The following AMPH variants were observed in gnomAD, a reference collection of about 807,000 sequenced individuals.
AMPH encodes amphiphysin (Stiff-Mann syndrome with breast cancer 128kD autoantigen).
In AMPH, 49 loss-of-function variants were observed where a neutral mutation model predicts 99.1. The ratio of observed to expected loss-of-function variants is 0.49; its 90% CI spans 0.39 to 0.63. AMPH has a LOEUF of 0.63. Ranked by LOEUF, AMPH falls within the 20% of genes least tolerant of loss-of-function variation. The pLI, the probability that AMPH is intolerant of heterozygous loss-of-function variation, is 0.00. For missense variants in AMPH, 759 were observed against 863.4 expected, an observed-to-expected ratio of 0.88 and a Z score of 1.52; for synonymous variants, 314 against 317.3, an observed-to-expected ratio of 0.99 and a Z score of 0.11.
chr7:38,407,058 A>C (rs112044882), intron 17 of AMPH, among the ~76,000 whole-genome samples: 968 of 14,548 alleles, frequency 0.067, 44 homozygotes, highest in East Asian at 0.34. Context: ...CTATATATAT[A>C]TATATATATA....
chr7:38,506,656 G>A (rs918488333), intron 2 of AMPH, among the ~76,000 whole-genome samples: 16 of 152,304 alleles, frequency 1.1e-4, no homozygotes, highest in African/African-American at 3.4e-4. Flanking sequence ...GGCATTTAGT[G>A]GTTTGTCTAG....
intron 1 of AMPH, among the ~76,000 whole-genome samples, chr7:38,612,779 G>A (rs1229928383): frequency 6.6e-6 from 1 of 152,086 alleles, no homozygotes; most frequent in East Asian, 1.9e-4. Context: ...GTGACCAAAG[G>A]AAATATGTGT....
chr7:38,582,775 G>A (rs567036545), intron 1 of AMPH, among the ~76,000 whole-genome samples: 59 of 152,226 alleles, frequency 3.9e-4, no homozygotes, highest in Middle Eastern at 3.4e-3. Flanking sequence ...AAGTCACATC[G>A]GGGACGCACA....
intron 10 of AMPH, 95 bp from the exon 11 acceptor site, chr7:38,461,506 G>A: frequency 4.1e-6 from 6 of 1,473,684 alleles, no homozygotes; most frequent in Non-Finnish European, 5.6e-6. Context: ...GACAGATTGA[G>A]CTCTGATTGA....
chr7:38,545,037 T>C (rs1790942823), intron 1 of AMPH, among the ~76,000 whole-genome samples: 1 of 152,242 alleles, frequency 6.6e-6, no homozygotes, highest in Non-Finnish European at 1.5e-5. Context: ...TAGAGAATTA[T>C]TTTCTGGCAA....
intron 1 of AMPH, among the ~76,000 whole-genome samples, chr7:38,550,091 T>C (rs923540275): frequency 6.6e-5 from 10 of 152,336 alleles, no homozygotes; most frequent in Admixed American, 5.2e-4. Context: ...TGTTATAGCA[T>C]AGCTTCCAAG....
At chr7:38,531,881 C>A (rs1049768265) in intron 2 of AMPH, among the ~76,000 whole-genome samples, 10 of 152,022 alleles carry the variant, frequency 6.6e-5, no homozygotes, top group Non-Finnish European at 1.5e-5. Context: ...GAGTATGTAG[C>A]CTTTAGATAA....
chr7:38,437,824 A>G (rs531669629), intron 11 of AMPH, among the ~76,000 whole-genome samples: 2 of 152,094 alleles, frequency 1.3e-5, no homozygotes, highest in East Asian at 1.9e-4. Flanking sequence ...TAAAAAAAAT[A>G]AAAATAAAGA....
At chr7:38,618,404 C>T (rs1344850535) in intron 1 of AMPH, among the ~76,000 whole-genome samples, 1 of 151,330 alleles carries the variant, frequency 6.6e-6, no homozygotes, top group Non-Finnish European at 1.5e-5. Flanking sequence ...CCCAGCTACT[C>T]GGGAGGCTGA....
chr7:38,590,325 A>T (rs1002230625), intron 1 of AMPH, among the ~76,000 whole-genome samples: 1 of 152,184 alleles, frequency 6.6e-6, no homozygotes, highest in Non-Finnish European at 1.5e-5. Flanking sequence ...CTGGATCAGG[A>T]GCACAGCCCA....
chr7:38,498,756 C>G, intron 3 of AMPH, among the ~76,000 whole-genome samples: 1 of 152,176 alleles, frequency 6.6e-6, no homozygotes, highest in East Asian at 1.9e-4. Context: ...GACGTTTTCC[C>G]TTGTCTACAA....
intron 1 of AMPH, among the ~76,000 whole-genome samples, chr7:38,576,678 TG>T (rs1792257371): frequency 6.6e-6 from 1 of 152,194 alleles, no homozygotes; most frequent in African/African-American, 2.4e-5. Flanking sequence ...TCTATTTTTA[TG>T]TTTTTTTAAA....
intron 7 of AMPH, among the ~76,000 whole-genome samples, chr7:38,471,339 T>G (rs1349195339): frequency 6.6e-6 from 1 of 152,180 alleles, no homozygotes; most frequent in African/African-American, 2.4e-5. Context: ...CTCTTTAGAG[T>G]CCTTCCTTCT....
At chr7:38,578,369 A>T (rs17497934) in intron 1 of AMPH, among the ~76,000 whole-genome samples, 42,797 of 152,146 alleles carry the variant, frequency 0.28, 6,422 homozygotes, top group Non-Finnish European at 0.34. Context: ...ATACATGTGC[A>T]GAAAACAATT....
chr7:38,421,787 A>C (rs971372720), intron 16 of AMPH, among the ~76,000 whole-genome samples: 9 of 152,216 alleles, frequency 5.9e-5, no homozygotes, highest in Non-Finnish European at 1.2e-4. Context: ...CTCAAAAGTG[A>C]TATCTCTTAA....
In AMPH at chr7:38,528,211, C is replaced by CA. The variant is rs1790262073; in HGVS notation, c.150+6719dup. On this transcript the variant is annotated intron_variant, in intron 2 of 20. Coordinates refer to ENST00000356264, the MANE Select transcript of AMPH (RefSeq NM_001635.4). ...TATTGGTCTGCAGTTTTCTTTTTTT[C>CA]ATACTATTGTTGTCTGGTTTTGGTA... Among the ~76,000 whole-genome samples the CA allele has an allele frequency of 2.6e-5, 4 of 152,012 alleles. 1 individual carries two copies. The South Asian group carries it at 8.3e-4, about 31-fold the overall frequency.
At chr7:38,554,166 C>A (rs186907916) in intron 1 of AMPH, among the ~76,000 whole-genome samples, 12 of 152,302 alleles carry the variant, frequency 7.9e-5, no homozygotes, top group Admixed American at 7.8e-4. Flanking sequence ...CTACCCAAGC[C>A]TCTTTCCCTT....
rs1438502684 is a variant in AMPH at position 38,631,323 on chromosome 7, G to T, written c.29C>A (p.Ala10Asp). 6.4e-7 allele frequency: 1 copy of T among 1,554,836 alleles called. No homozygotes were observed. Among genetic ancestry groups the T allele is most frequent in the Non-Finnish European group, 8.7e-7 (1 of 1,151,312 alleles). Residue 10 changes from alanine (A) to aspartate (D), a missense_variant, in exon 1 of 21, where the codon GCC (alanine) becomes GAC (aspartate). Physicochemically the swap from Ala to Asp is moderately radical, Grantham distance 126. Around this residue, in one of 2 missense-constraint regions of AMPH, gnomAD observed 205 missense variants for 287.9 expected, o/e 0.71. Coordinates refer to ENST00000356264, the MANE Select transcript of AMPH (RefSeq NM_001635.4). ...GTTGAGTCGCTTCTGGACGTTCTTGGCGAAGATGCCCGTCTTGATGTCGGC... is the reference window on the plus strand; with the variant it reads ...GTTGAGTCGCTTCTGGACGTTCTTGTCGAAGATGCCCGTCTTGATGTCGGC... Reference protein sequence around the residue: MADIKTGIFAKNVQKRLNRA... With the variant: MADIKTGIFDKNVQKRLNRA...
chr7:38,598,271 TTTGTTG>T (rs754533901), intron 1 of AMPH, among the ~76,000 whole-genome samples: 2 of 151,882 alleles, frequency 1.3e-5, no homozygotes, highest in African/African-American at 2.4e-5. Context: ...TTGTTGTTCT[TTTGTTG>T]TTGTTGTTGT....
Sources: allele counts gnomAD v4.1 joint callset (sites outside exome capture counted in the v4.1 genomes callset), GRCh38; gene constraint gnomAD v4.1.1; regional missense constraint gnomAD v4.1.1; transcripts MANE v1.5; gene names NCBI Gene and HGNC (gene_info 2026-07-23, HGNC 2026-07-21).